Variants in IFT52 observed in about 807,000 individuals in gnomAD.
IFT52 encodes intraflagellar transport protein 52 homolog.
IFT52 carries 44 observed loss-of-function variants against 54.4 expected under a neutral mutation model. The observed-to-expected ratio is 0.81, with a 90% CI of 0.63 to 1.04. The LOEUF (loss-of-function observed/expected upper bound fraction) is 1.04. Ranked by LOEUF, IFT52 falls within the 50% of genes least tolerant of loss-of-function variation. The probability of loss-of-function intolerance (pLI) is 0.00; values close to 1 mark genes in which losing one functional copy is unlikely to be tolerated. For missense variants in IFT52, 452 were observed against 523.6 expected, an observed-to-expected ratio of 0.86 and a Z score of 1.33; for synonymous variants, 181 against 185.3, an observed-to-expected ratio of 0.98 and a Z score of 0.19.
chr20:43,618,809 AT>A (rs1984057696), intron 7 of IFT52, 130 bp from the exon 8 acceptor site: 1 of 628,316 alleles, frequency 1.6e-6, no homozygotes, highest in African/African-American at 1.9e-5. Context: ...AAACTTTAAA[AT>A]CTGGGTGTGA....
rs1199174261 is a variant in IFT52, at chr20:43,624,043, C to T, written c.921C>T (p.Ile307=). 1 of 1,613,938 alleles carries T rather than the reference C, an allele frequency of 6.2e-7. No individual in the cohort carries two copies. Among genetic ancestry groups the T allele is most frequent in the Middle Eastern group, 1.7e-4 (1 of 6,056 alleles). The change falls in exon 10 of 14, where the codon ATC becomes ATT. Residue 307 remains isoleucine, a splice_region_variant and synonymous_variant. Transcript: ENST00000373030. ...QLDTTSFHSV[I]EAHEQLNVKH... ...ATACCACCTCCTTCCACAGCGTCATCGAGTCAGTACCTGTGGGCCTCTGAG... is the reference window on the plus strand; with the variant it reads ...ATACCACCTCCTTCCACAGCGTCATTGAGTCAGTACCTGTGGGCCTCTGAG...
At chr20:43,633,416 G>GA (rs1985308648) in intron 10 of IFT52, among the ~76,000 whole-genome samples, 1 of 151,480 alleles carries the variant, frequency 6.6e-6, no homozygotes, top group Admixed American at 6.6e-5. Flanking sequence ...CTATGATTAA[G>GA]ACAGAATTTG....
chr20:43,605,479 G>A (rs773087644), intron 6 of IFT52, among the ~76,000 whole-genome samples: 9 of 152,156 alleles, frequency 5.9e-5, no homozygotes, highest in African/African-American at 9.7e-5. Context: ...CCCCGGAGGC[G>A]GAAGTTGCAG....
intron 12 of IFT52, among the ~76,000 whole-genome samples, chr20:43,641,629 G>A (rs547599609): frequency 6.6e-6 from 1 of 151,562 alleles, no homozygotes; most frequent in East Asian, 1.9e-4. Flanking sequence ...GAGTAGCTGG[G>A]ATTACAGGTG....
intron 12 of IFT52, among the ~76,000 whole-genome samples, chr20:43,641,643 A>G (rs1308810432): frequency 1.3e-5 from 2 of 150,996 alleles, no homozygotes; most frequent in Non-Finnish European, 2.9e-5. Context: ...ACAGGTGCGC[A>G]CCACCATGCC....
intron 7 of IFT52, among the ~76,000 whole-genome samples, chr20:43,616,986 C>G (rs1313362181): frequency 6.6e-6 from 1 of 152,058 alleles, no homozygotes; most frequent in Non-Finnish European, 1.5e-5. Flanking sequence ...GCACTCCAGC[C>G]TGGGAGACAG....
intron 3 of IFT52, among the ~76,000 whole-genome samples, chr20:43,597,758 A>G (rs1982094109): frequency 6.6e-6 from 1 of 151,296 alleles, no homozygotes; most frequent in Admixed American, 6.6e-5. Flanking sequence ...GCCGGGCGTG[A>G]TGGTGTGCGC....
chr20:43,610,019 C>A (rs1170226583), intron 6 of IFT52, among the ~76,000 whole-genome samples: 1 of 151,172 alleles, frequency 6.6e-6, no homozygotes, highest in Non-Finnish European at 1.5e-5. Flanking sequence ...CTTAAAGAAG[C>A]CCAGGTACGA....
intron 6 of IFT52, among the ~76,000 whole-genome samples, chr20:43,608,139 AAG>A (rs956651933): frequency 1.3e-5 from 2 of 152,072 alleles, no homozygotes; most frequent in Non-Finnish European, 2.9e-5. Context: ...AGACCGTGGA[AAG>A]AGAGGGAGAG....
chr20:43,618,622 CAG>C (rs1359837934), intron 7 of IFT52, among the ~76,000 whole-genome samples: 1 of 149,970 alleles, frequency 6.7e-6, no homozygotes, highest in Non-Finnish European at 1.5e-5. Flanking sequence ...GCTGGGACTA[CAG>C]GCGCATGCCA....
chr20:43,592,202 G>C, intron 1 of IFT52, among the ~76,000 whole-genome samples: 1 of 152,204 alleles, frequency 6.6e-6, no homozygotes, highest in East Asian at 1.9e-4. Context: ...TATGGCGCGC[G>C]CCTGTAATCC....
chr20:43,639,849 T>C (rs1014451514), intron 12 of IFT52, among the ~76,000 whole-genome samples: 1 of 150,980 alleles, frequency 6.6e-6, no homozygotes, highest in South Asian at 2.1e-4. Flanking sequence ...AATAAATAAA[T>C]AGAAACAAAA....
Position 43,619,678 on chromosome 20 carries a change from G to C in IFT52, c.699+652G>C, listed in dbSNP as rs375476577. On this transcript the variant is annotated intron_variant, in intron 8 of 13. Transcript: ENST00000373030. ...GACTGATGTGGCAAATAAAGTAAAGGCATTGCAATTTTGTCAAAAAAATGC... is the reference window on the plus strand; with the variant it reads ...GACTGATGTGGCAAATAAAGTAAAGCCATTGCAATTTTGTCAAAAAAATGC... Among the ~76,000 whole-genome samples the C allele has an allele frequency of 5.3e-5, 8 of 152,148 alleles. No individual in the cohort carries two copies. In the East Asian group the frequency reaches 7.7e-4, roughly 15 times the overall value.
intron 6 of IFT52, among the ~76,000 whole-genome samples, chr20:43,609,941 T>TC (rs771148959): frequency 1.3e-4 from 16 of 125,926 alleles, no homozygotes; most frequent in Non-Finnish European, 1.9e-4. Context: ...AGAGCAAGAC[T>TC]CCGTCTTGAA....
Position 43,594,704 on chromosome 20 carries a change from GA to G in IFT52, c.9del (p.Glu4SerfsTer38). ME[K>X]ELRSTILFNA... is the part of the protein sequence containing the mutation. ...CTTTCTTCCATAAGGTAACCATGGA[GA>G]AAGAGCTGCGGAGCACCATTCTTTT... On this transcript the variant is annotated frameshift_variant, in exon 2 of 14. Transcript: ENST00000373030. LOFTEE classifies it high-confidence loss of function. 6.3e-7 allele frequency: 1 copy of G among 1,576,402 alleles called. No homozygotes were observed. The highest frequency in any genetic ancestry group is 8.7e-7 in the Non-Finnish European group (1 of 1,146,046).
intron 9 of IFT52, among the ~76,000 whole-genome samples, chr20:43,623,668 T>C (rs577370592): frequency 1.2e-4 from 19 of 152,340 alleles, no homozygotes; most frequent in African/African-American, 4.6e-4. Flanking sequence ...ACTGGTGTAA[T>C]TGGAGATTTG....
intron 7 of IFT52, among the ~76,000 whole-genome samples, chr20:43,615,371 G>C (rs1455737638): frequency 6.6e-6 from 1 of 152,100 alleles, no homozygotes; most frequent in South Asian, 2.1e-4. Flanking sequence ...ACATTTTGCT[G>C]AATTTACCTT....
intron 12 of IFT52, among the ~76,000 whole-genome samples, chr20:43,641,266 G>C (rs1315326397): frequency 6.6e-6 from 1 of 152,078 alleles, no homozygotes; most frequent in African/African-American, 2.4e-5. Flanking sequence ...TTGTTGCCCA[G>C]GCTGGAGTGC....
At chr20:43,646,900 A>T (rs1413194519) in intron 13 of IFT52, 36 bp from the exon 14 acceptor site, 4 of 1,566,640 alleles carry the variant, frequency 2.6e-6, no homozygotes, top group Non-Finnish European at 3.5e-6. Context: ...CTTTATACTG[A>T]AATACTAAAA....
Sources: gnomAD v4.1 joint callset for allele counts (sites outside exome capture counted in the v4.1 genomes callset) on GRCh38, gnomAD v4.1.1 for gene constraint, MANE v1.5 for transcripts, NCBI Gene and HGNC (gene_info 2026-07-23, HGNC 2026-07-21) for gene names.